The following PRDM8 variants were observed in gnomAD, a reference collection of about 807,000 sequenced individuals.
The protein encoded by PRDM8 is PR/SET domain 8, also known as PR domain zinc finger protein 8.
A neutral mutation model predicts 46.5 loss-of-function variants in PRDM8; 13 were observed. That is an observed-to-expected ratio of 0.28 (90% CI 0.18 to 0.44). The LOEUF (loss-of-function observed/expected upper bound fraction) is 0.44, where lower values mean the gene tolerates loss of function less well. Among genes scored for constraint, PRDM8 ranks in the 20% least tolerant of loss-of-function variants. PRDM8 has a pLI of 1.00. For missense variants in PRDM8, 998 were observed against 955.0 expected, an observed-to-expected ratio of 1.04 and a Z score of -0.59; for synonymous variants, 473 against 438.4, an observed-to-expected ratio of 1.08 and a Z score of -0.98.
chr4:80,197,823 G>A, intron 1 of PRDM8, 60 bp downstream of exon 1: 2 of 970,996 alleles, frequency 2.1e-6, no homozygotes, highest in Non-Finnish European at 2.4e-6. Flanking sequence ...GGTGGAAAGA[G>A]TAGAACATTT....
At chr4:80,195,709 A>C (rs1266643367), upstream of PRDM8, among the ~76,000 whole-genome samples, 1 of 152,172 alleles carries the variant, frequency 6.6e-6, no homozygotes, top group African/African-American at 2.4e-5. Flanking sequence ...AAAATTGCAC[A>C]TAGCCAAAGT....
At position 80,197,652 on chromosome 4, in the gene PRDM8, C is replaced by T; in HGVS notation, c.-114C>T. On this transcript the variant is annotated 5_prime_UTR_variant, in exon 1 of 4. Coordinates refer to ENST00000415738, the MANE Select transcript of PRDM8 (RefSeq NM_001099403.2). ...AGAGCCTAAAAGGCGGCAACACCAA[C>T]ACCTCTTGACATGGAAATACACTGA... 7.1e-6 allele frequency: 7 copies of T among 982,928 alleles called. No homozygotes were observed. The highest frequency in any genetic ancestry group is 8.5e-6 in the Non-Finnish European group (7 of 827,996). The allele number at this position is 982,928 out of a possible 1,614,324, so 60.9% of individuals were successfully genotyped here.
chr4:80,194,861 T>C (rs1737824630), upstream of PRDM8, among the ~76,000 whole-genome samples: 1 of 152,210 alleles, frequency 6.6e-6, no homozygotes, highest in Non-Finnish European at 1.5e-5. Flanking sequence ...GTTTTCTAGC[T>C]TAAGACATAA....
intron 1 of PRDM8, among the ~76,000 whole-genome samples, chr4:80,199,516 C>T (rs769578642): frequency 2.0e-5 from 3 of 152,044 alleles, no homozygotes; most frequent in African/African-American, 4.8e-5. Context: ...GAAATCCATT[C>T]GCCATGCTCC....
At chr4:80,191,408 T>A (rs934973634) in intron 1 of PRDM8, 1 of 152,234 alleles carries the variant, frequency 6.6e-6, no homozygotes, top group Non-Finnish European at 1.5e-5. Flanking sequence ...TTGAAAAATA[T>A]GAGTTTTCCT....
chr4:80,187,733 G>T (rs1737230073), intron 1 of PRDM8, among the ~76,000 whole-genome samples: 1 of 152,102 alleles, frequency 6.6e-6, no homozygotes, highest in South Asian at 2.1e-4. Context: ...GCAACCTCCT[G>T]CTCCTCCTGT....
Position 80,203,417 on chromosome 4 carries a change from A to G in PRDM8, c.1955A>G (p.Tyr652Cys), listed in dbSNP as rs758969495. 4.3e-6 allele frequency: 7 copies of G among 1,613,738 alleles called. No homozygotes were observed. Among genetic ancestry groups the G allele is most frequent in the Non-Finnish European group, 5.9e-6 (7 of 1,179,910 alleles). The change falls in exon 4 of 4, where the codon TAT (tyrosine) becomes TGT (cysteine). Residue 652 changes from tyrosine (Y) to cysteine (C), a missense_variant. By Grantham distance (194) the Tyr-to-Cys change is radical. Coordinates refer to ENST00000415738, the MANE Select transcript of PRDM8 (RefSeq NM_001099403.2). ...YHMRSHHKKEYAMEPLVKRRR... is the reference protein window; with the variant it reads ...YHMRSHHKKECAMEPLVKRRR... ...ATGAGGTCGCACCACAAAAAGGAGT[A>G]TGCGATGGAGCCCTTGGTGAAGCGG...
chr4:80,195,003 C>A (rs1737834480), upstream of PRDM8, among the ~76,000 whole-genome samples: 1 of 152,078 alleles, frequency 6.6e-6, no homozygotes, highest in Non-Finnish European at 1.5e-5. Context: ...AAAGGCCAGG[C>A]ACAAGAAAAA....
chr4:80,190,941 A>G (rs1475813669), intron 1 of PRDM8, among the ~76,000 whole-genome samples: 1 of 152,376 alleles, frequency 6.6e-6, no homozygotes, highest in East Asian at 1.9e-4. Flanking sequence ...AACTGACTCT[A>G]GAATATAGAT....
At chr4:80,195,971 C>T, upstream of PRDM8, 1 of 568,392 alleles carries the variant, frequency 1.8e-6, no homozygotes, top group Non-Finnish European at 2.2e-6. Context: ...CAAGGAAGAA[C>T]ATGAACTTCA....
At position 80,202,330 on chromosome 4, in the gene PRDM8, G is replaced by A. The variant is rs756736858; in HGVS notation, c.868G>A (p.Gly290Ser). The A allele has an allele frequency of 8.2e-6, 13 of 1,589,978 alleles. No homozygotes were observed. The Admixed American group carries it at 1.5e-4, about 19-fold the overall frequency. ...GAGCCTCAGCAGCGGTAGCGGCAGC[G>A]GCGGCGGCGGCGGCCACCAGGAGGC... ...AQSLSSGSGS[G>S]GGGGHQEAEL... The change falls in exon 4 of 4, where the codon GGC becomes AGC. Residue 290 changes from glycine (G) to serine (S), a missense_variant. Physicochemically the swap from Gly to Ser is moderately conservative, Grantham distance 56 (BLOSUM62 0). Transcript: ENST00000415738.
chr4:80,199,145 G>A (rs1341797233), intron 1 of PRDM8, among the ~76,000 whole-genome samples: 1 of 151,954 alleles, frequency 6.6e-6, no homozygotes, highest in Non-Finnish European at 1.5e-5. Flanking sequence ...CCACTGAGGA[G>A]TGCTCAAGCA....
intron 2 of PRDM8, among the ~76,000 whole-genome samples, chr4:80,191,902 G>T (rs1285761079): frequency 6.6e-6 from 1 of 152,170 alleles, no homozygotes; most frequent in Non-Finnish European, 1.5e-5. Context: ...AATTTGTGAA[G>T]AAATTGAACC....
intron 2 of PRDM8, among the ~76,000 whole-genome samples, 186 bp downstream of exon 2, chr4:80,200,485 T>A (rs1025591048): frequency 6.6e-6 from 1 of 152,272 alleles, no homozygotes; most frequent in South Asian, 2.1e-4. Flanking sequence ...GTCAACTGAT[T>A]TTTTGGAATA....
upstream of PRDM8, among the ~76,000 whole-genome samples, chr4:80,195,797 C>T (rs1737898250): frequency 6.6e-6 from 1 of 152,000 alleles, no homozygotes; most frequent in East Asian, 1.9e-4. Flanking sequence ...CCCATTTTCT[C>T]TGAATATATG....
rs1409912095 is a variant in PRDM8 at position 80,197,650 on chromosome 4, A to G, written c.-116A>G. The G allele has an allele frequency of 1.0e-6, 1 of 980,682 alleles. No individual in the cohort carries two copies. Among genetic ancestry groups the G allele is most frequent in the African/African-American group, 1.8e-5 (1 of 56,130 alleles). 60.7% of individuals were successfully genotyped at this position (980,682 alleles called of 1,614,324 possible). A position where few individuals can be genotyped will look rare whatever the true frequency, so the allele number is the denominator to read the frequency against. On this transcript the variant is annotated 5_prime_UTR_variant, in exon 1 of 4. Coordinates refer to ENST00000415738, the MANE Select transcript of PRDM8 (RefSeq NM_001099403.2). ...GAAGAGCCTAAAAGGCGGCAACACC[A>G]ACACCTCTTGACATGGAAATACACT...
At chr4:80,198,859 G>A (rs1738173083) in intron 1 of PRDM8, among the ~76,000 whole-genome samples, 1 of 151,800 alleles carries the variant, frequency 6.6e-6, no homozygotes, top group South Asian at 2.1e-4. Flanking sequence ...ATAAATAATT[G>A]CCAACAGTGA....
upstream of PRDM8, chr4:80,194,163 C>T (rs1385146511): frequency 1.0e-6 from 1 of 970,298 alleles, no homozygotes; most frequent in Non-Finnish European, 1.2e-6. Flanking sequence ...CCAGCCCACT[C>T]TTCCAAAATA....
upstream of PRDM8, chr4:80,195,977 C>A: frequency 7.4e-6 from 5 of 679,464 alleles, no homozygotes; most frequent in Non-Finnish European, 7.2e-6. Flanking sequence ...AGAACATGAA[C>A]TTCATGGGAA....
Sources: allele counts gnomAD v4.1 joint callset (sites outside exome capture counted in the v4.1 genomes callset), GRCh38; gene constraint gnomAD v4.1.1; transcripts MANE v1.5; gene names NCBI Gene and HGNC (gene_info 2026-07-23, HGNC 2026-07-21).